Variants in ADAMTSL3 observed in about 807,000 individuals in gnomAD.
The protein encoded by ADAMTSL3 is ADAMTS-like protein 3.
Under a neutral mutation model 201.7 loss-of-function variants are expected in ADAMTSL3, and 128 were observed. The ratio of observed to expected loss-of-function variants is 0.63; its 90% confidence interval spans 0.55 to 0.73. The LOEUF (loss-of-function observed/expected upper bound fraction) is 0.73. ADAMTSL3 is among the 30% of genes least tolerant of loss of function. The pLI, the probability that ADAMTSL3 is intolerant of heterozygous loss-of-function variation, is 0.00. For synonymous variants in ADAMTSL3, 738 were observed against 748.4 expected, an observed-to-expected ratio of 0.99 and a Z score of 0.23; for missense variants, 1,990 against 2,119.6, an observed-to-expected ratio of 0.94 and a Z score of 1.20.
intron 7 of ADAMTSL3, among the ~76,000 whole-genome samples, chr15:83,850,515 A>ATT (rs1487438727): frequency 9.6e-5 from 14 of 145,138 alleles, no homozygotes; most frequent in Non-Finnish European, 1.5e-4. Flanking sequence ...ATATTTTTAA[A>ATT]TTATATATAT....
At chr15:83,929,680 C>CCACACACACA (rs147998074) in intron 17 of ADAMTSL3, among the ~76,000 whole-genome samples, 13 of 147,442 alleles carry the variant, frequency 8.8e-5, no homozygotes, top group Admixed American at 2.0e-4. Context: ...GTCACCTCTA[C>CCACACACACA]CACACACACA....
At chr15:83,662,386 A>G (rs1345757632) in intron 2 of ADAMTSL3, among the ~76,000 whole-genome samples, 1 of 134,680 alleles carries the variant, frequency 7.4e-6, no homozygotes, top group Non-Finnish European at 1.5e-5. Flanking sequence ...GATCACATGG[A>G]CACAGGAAGG....
At chr15:84,009,551 T>A (rs2067967592) in intron 23 of ADAMTSL3, among the ~76,000 whole-genome samples, 1 of 152,226 alleles carries the variant, frequency 6.6e-6, no homozygotes, top group South Asian at 2.1e-4. Flanking sequence ...TTTGAAGTAG[T>A]GTTGGCATAA....
chr15:83,832,281 A>G, intron 6 of ADAMTSL3, among the ~76,000 whole-genome samples: 1 of 152,146 alleles, frequency 6.6e-6, no homozygotes, highest in South Asian at 2.1e-4. Context: ...GTTCTTATTA[A>G]TGGTCTAAAT....
Position 84,007,737 on chromosome 15 carries a change from T to C in ADAMTSL3, c.3974-6805T>C, listed in dbSNP as rs1428087508. The stretch of plus-strand genomic sequence containing the variant: ...GAGGATTCTAAGCAAAGGAGTGTCA[T>C]GATCTGAGCTACCTTTTAGAAGAAA... On this transcript the variant is annotated intron_variant, in intron 23 of 29. Transcript: ENST00000286744. 2.0e-5 allele frequency among the ~76,000 whole-genome samples: 3 copies of C among 152,308 alleles called. No individual in the cohort carries two copies. The East Asian group carries it at 5.8e-4, about 29-fold the overall frequency.
Position 83,669,628 on chromosome 15 carries a change from C to T in ADAMTSL3, c.69+13798C>T, listed in dbSNP as rs188719828. ...GACTACAGGTGCCCGCCACCACGCC[C>T]GGCTAATTTTTTTGTATTTTTAGTA... On this transcript the variant is annotated intron_variant, in intron 2 of 29. Coordinates refer to ENST00000286744, the MANE Select transcript of ADAMTSL3 (RefSeq NM_207517.3). Among the ~76,000 whole-genome samples the T allele has an allele frequency of 6.1e-3, 916 of 150,986 alleles. 4 individuals carry two copies. The highest frequency in any genetic ancestry group is 0.021 in the African/African-American group (846 of 41,156).
chr15:83,944,989 G>C, intron 19 of ADAMTSL3, among the ~76,000 whole-genome samples: 1 of 152,090 alleles, frequency 6.6e-6, no homozygotes, highest in Non-Finnish European at 1.5e-5. Context: ...TGTTTTAACC[G>C]TGTAGTTTTG....
intron 6 of ADAMTSL3, among the ~76,000 whole-genome samples, chr15:83,835,269 T>G (rs1267788164): frequency 6.6e-6 from 1 of 151,810 alleles, no homozygotes; most frequent in Non-Finnish European, 1.5e-5. Context: ...TATTGTTGAT[T>G]ATGATGGGAT....
At chr15:83,866,607 TGTG>T (rs2064983844) in intron 8 of ADAMTSL3, among the ~76,000 whole-genome samples, 1 of 150,580 alleles carries the variant, frequency 6.6e-6, no homozygotes, top group Admixed American at 6.6e-5. Flanking sequence ...CGGGTCCTGT[TGTG>T]GGGTGGGGGG....
chr15:83,921,512 GT>G (rs2066142514), intron 16 of ADAMTSL3, among the ~76,000 whole-genome samples: 1 of 152,140 alleles, frequency 6.6e-6, no homozygotes, highest in African/African-American at 2.4e-5. Flanking sequence ...CACTATGTGT[GT>G]ATGTGTGTGT....
chr15:83,860,864 A>T (rs2064840199), intron 8 of ADAMTSL3, among the ~76,000 whole-genome samples: 1 of 152,190 alleles, frequency 6.6e-6, no homozygotes, highest in Non-Finnish European at 1.5e-5. Context: ...AAAGCAGGGC[A>T]AGGCATCGCG....
At chr15:83,856,754 T>C (rs1246361634) in intron 7 of ADAMTSL3, among the ~76,000 whole-genome samples, 2 of 152,224 alleles carry the variant, frequency 1.3e-5, no homozygotes, top group Non-Finnish European at 2.9e-5. Flanking sequence ...CTATTGGGAA[T>C]AATGCTGCCA....
At chr15:83,937,257 T>C (rs7182097) in intron 17 of ADAMTSL3, among the ~76,000 whole-genome samples, 127,378 of 150,708 alleles carry the variant, frequency 0.85, 54,391 homozygotes, top group African/African-American at 0.95. Context: ...ATGAAATCAA[T>C]GTAAATACGC....
At chr15:83,678,390 T>G (rs1375651238) in intron 2 of ADAMTSL3, among the ~76,000 whole-genome samples, 1 of 144,266 alleles carries the variant, frequency 6.9e-6, no homozygotes, top group Non-Finnish European at 1.5e-5. Context: ...AGAAGGATAT[T>G]TTTGCTGGAT....
intron 25 of ADAMTSL3, 48 bp from the exon 26 acceptor site, chr15:84,021,362 G>C (rs201811744): frequency 6.2e-7 from 1 of 1,605,864 alleles, no homozygotes; most frequent in Non-Finnish European, 8.5e-7. Context: ...CCAGCTCGTC[G>C]TCATTTCTCT....
chr15:83,709,742 AG>A (rs1366055780), intron 3 of ADAMTSL3, among the ~76,000 whole-genome samples: 1 of 152,110 alleles, frequency 6.6e-6, no homozygotes, highest in African/African-American at 2.4e-5. Flanking sequence ...AGTTAGGAAA[AG>A]TTGTTTTTTG....
chr15:83,986,859 G>A (rs1027024540), intron 21 of ADAMTSL3, among the ~76,000 whole-genome samples: 3 of 152,192 alleles, frequency 2.0e-5, no homozygotes, highest in Admixed American at 6.5e-5. Flanking sequence ...TTCAAGTTAA[G>A]AGTAAGATTA....
At chr15:83,743,593 C>G (rs2062494279) in intron 3 of ADAMTSL3, among the ~76,000 whole-genome samples, 1 of 150,790 alleles carries the variant, frequency 6.6e-6, no homozygotes, top group Admixed American at 6.6e-5. Flanking sequence ...TTTCCCTGCA[C>G]AAAAGCATCA....
chr15:83,756,994 C>T (rs1430151400), intron 3 of ADAMTSL3, among the ~76,000 whole-genome samples: 1 of 152,252 alleles, frequency 6.6e-6, no homozygotes, highest in Admixed American at 6.5e-5. Flanking sequence ...AGCTCTGTCC[C>T]TGTGGCTTTG....
Sources: gnomAD v4.1 joint callset for allele counts (sites outside exome capture counted in the v4.1 genomes callset) on GRCh38, gnomAD v4.1.1 for gene constraint, MANE v1.5 for transcripts, NCBI Gene and HGNC (gene_info 2026-07-23, HGNC 2026-07-21) for gene names.